The following GOLGA4 variants were observed in gnomAD, a reference collection of about 807,000 sequenced individuals.
GOLGA4 encodes golgin A4, also known as golgin subfamily A member 4.
In GOLGA4, 169 loss-of-function variants were observed where a neutral mutation model predicts 265.9. The observed-to-expected ratio is 0.64, with a 90% CI of 0.56 to 0.72. GOLGA4 has a LOEUF of 0.72. Ranked by LOEUF, GOLGA4 falls within the 30% of genes least tolerant of loss-of-function variation. The probability of loss-of-function intolerance (pLI) is 0.00; values close to 1 mark genes in which losing one functional copy is unlikely to be tolerated. For missense variants in GOLGA4, 2,482 were observed against 2,483.4 expected, an observed-to-expected ratio of 1.00 and a Z score of 0.01; for synonymous variants, 923 against 855.8, an observed-to-expected ratio of 1.08 and a Z score of -1.37.
At chr3:37,339,635 A>G (rs962264338) in intron 19 of GOLGA4, among the ~76,000 whole-genome samples, 9 of 152,246 alleles carry the variant, frequency 5.9e-5, no homozygotes, top group African/African-American at 2.2e-4. Flanking sequence ...TCCAGTGACT[A>G]GTGATGTGAA....
chr3:37,283,753 C>G (rs987334679), intron 3 of GOLGA4, among the ~76,000 whole-genome samples: 1 of 152,114 alleles, frequency 6.6e-6, no homozygotes, highest in Non-Finnish European at 1.5e-5. Context: ...TCTTGAACTC[C>G]TGAAGTCAAG....
At chr3:37,264,539 G>A (rs1017380777) in intron 2 of GOLGA4, among the ~76,000 whole-genome samples, 4 of 152,196 alleles carry the variant, frequency 2.6e-5, no homozygotes, top group Admixed American at 6.5e-5. Flanking sequence ...CTCTAATGTA[G>A]GACCAAATGA....
intron 10 of GOLGA4, among the ~76,000 whole-genome samples, chr3:37,313,897 T>G (rs769622167): frequency 2.6e-4 from 40 of 152,126 alleles, no homozygotes; most frequent in Non-Finnish European, 5.3e-4. Context: ...CATTGTGAAG[T>G]TGACAAATCT....
intron 22 of GOLGA4, 73 bp from the exon 23 acceptor site, chr3:37,361,170 A>C (rs1696234094): frequency 8.9e-7 from 1 of 1,117,992 alleles, no homozygotes; most frequent in Non-Finnish European, 1.4e-6. Context: ...AACTTCATAT[A>C]CACATACAAT....
At chr3:37,287,980 T>A (rs2096854283) in intron 4 of GOLGA4, among the ~76,000 whole-genome samples, 1 of 152,160 alleles carries the variant, frequency 6.6e-6, no homozygotes, top group South Asian at 2.1e-4. Context: ...GGTTACTTTG[T>A]TTCCATAGGT....
intron 23 of GOLGA4, among the ~76,000 whole-genome samples, chr3:37,365,084 A>G (rs1312532326): frequency 2.0e-5 from 3 of 151,990 alleles, no homozygotes; most frequent in East Asian, 3.9e-4. Context: ...TTTTGTAGCA[A>G]TGGGATCTCA....
chr3:37,275,248 A>T (rs1476586274), intron 2 of GOLGA4, among the ~76,000 whole-genome samples: 4 of 151,266 alleles, frequency 2.6e-5, no homozygotes, highest in African/African-American at 9.7e-5. Flanking sequence ...AAAAGAAAAA[A>T]AAAACCCCAA....
chr3:37,363,741 A>T (rs1696525117), intron 23 of GOLGA4, among the ~76,000 whole-genome samples: 1 of 152,152 alleles, frequency 6.6e-6, no homozygotes, highest in African/African-American at 2.4e-5. Context: ...AGTACATAAT[A>T]CTCAGTTTTT....
At chr3:37,298,755 A>T in intron 7 of GOLGA4, 78 bp from the exon 8 acceptor site, 10 of 904,906 alleles carry the variant, frequency 1.1e-5, no homozygotes, top group Non-Finnish European at 1.0e-5. Context: ...GATCTCTTTG[A>T]CTGTCTCAGT....
At chr3:37,267,015 C>T (rs1214247412) in intron 2 of GOLGA4, 2 of 548,722 alleles carry the variant, frequency 3.6e-6, no homozygotes, top group Non-Finnish European at 3.1e-6. Flanking sequence ...AAGCAAATCT[C>T]ATGTTACTTG....
At chr3:37,273,411 A>AT (rs2096804237) in intron 2 of GOLGA4, 1 of 614,356 alleles carries the variant, frequency 1.6e-6, no homozygotes. Context: ...TAAATGAACA[A>AT]TTACTAATTT....
At chr3:37,335,310 C>G in intron 17 of GOLGA4, 144 bp downstream of exon 17, 1 of 575,744 alleles carries the variant, frequency 1.7e-6, no homozygotes, top group Non-Finnish European at 3.2e-6. Flanking sequence ...GTTTTATAGA[C>G]AGATAAACTA....
chr3:37,257,118 C>T (rs1287857630), intron 2 of GOLGA4, among the ~76,000 whole-genome samples: 1 of 152,118 alleles, frequency 6.6e-6, no homozygotes, highest in African/African-American at 2.4e-5. Context: ...AATTTGCTTT[C>T]TGTCTTAATG....
chr3:37,306,843 A>G (rs1237192251), intron 10 of GOLGA4, among the ~76,000 whole-genome samples: 1 of 152,044 alleles, frequency 6.6e-6, no homozygotes, highest in Non-Finnish European at 1.5e-5. Context: ...CATCTAGATT[A>G]TTATATATTT....
rs375534551 is a variant in GOLGA4, at chr3:37,287,606, G to C, written c.525+1545G>C. ...TGACTCGTTCATTGTTGCACAGCTTGTAAGAGGTAAGGAGGAGAGCCAGGG... is the reference window on the plus strand; with the variant it reads ...TGACTCGTTCATTGTTGCACAGCTTCTAAGAGGTAAGGAGGAGAGCCAGGG... On this transcript the variant is annotated intron_variant, in intron 4 of 23. Transcript: ENST00000361924. 5.3e-5 allele frequency: 8 copies of C among 152,366 alleles called. No homozygotes were observed. The South Asian group carries it at 1.7e-3, about 32-fold the overall frequency. 9.4% of individuals were successfully genotyped at this position (152,366 alleles called of 1,614,324 possible).
intron 2 of GOLGA4, among the ~76,000 whole-genome samples, chr3:37,278,140 G>T (rs1468231126): frequency 4.0e-5 from 6 of 148,896 alleles, no homozygotes; most frequent in African/African-American, 1.5e-4. Flanking sequence ...AGTTTTTTTT[G>T]TTGTTAAACA....
intron 2 of GOLGA4, chr3:37,276,610 T>A: frequency 6.4e-7 from 1 of 1,562,672 alleles, no homozygotes; most frequent in Non-Finnish European, 8.7e-7. Context: ...TTGGAAGAAT[T>A]GGCAAAATAT....
intron 21 of GOLGA4, among the ~76,000 whole-genome samples, chr3:37,352,852 A>G (rs62241897): frequency 8.6e-4 from 131 of 152,166 alleles, no homozygotes; most frequent in Non-Finnish European, 1.4e-3. Context: ...TACGTTTACA[A>G]CTTGGCTAAC....
intron 2 of GOLGA4, chr3:37,275,583 G>C: frequency 8.0e-7 from 1 of 1,253,622 alleles, no homozygotes; most frequent in South Asian, 1.2e-5. Context: ...CCGGGCCTGC[G>C]GTGGTGGGGG....
Sources: allele counts gnomAD v4.1 joint callset (sites outside exome capture counted in the v4.1 genomes callset), GRCh38; gene constraint gnomAD v4.1.1; transcripts MANE v1.5; gene names NCBI Gene and HGNC (gene_info 2026-07-23, HGNC 2026-07-21).